Variants in ELAVL3 observed in about 807,000 individuals in gnomAD.
ELAVL3 encodes ELAV like RNA binding protein 3.
A neutral mutation model predicts 34.2 loss-of-function variants in ELAVL3; 8 were observed. The observed-to-expected ratio is 0.23, with a 90% CI of 0.14 to 0.42. The LOEUF (loss-of-function observed/expected upper bound fraction) is 0.42. Ranked by LOEUF, ELAVL3 falls within the 10% of genes least tolerant of loss-of-function variation. The pLI is 1.00. For synonymous variants in ELAVL3, 209 were observed against 222.1 expected, an observed-to-expected ratio of 0.94 and a Z score of 0.53; for missense variants, 273 against 518.8, an observed-to-expected ratio of 0.53 and a Z score of 4.60.
chr19:11,474,953 G>C (rs1026765895), intron 1 of ELAVL3, among the ~76,000 whole-genome samples: 14 of 151,990 alleles, frequency 9.2e-5, no homozygotes. Flanking sequence ...CTCAGCCTCT[G>C]GAGTAGCTGG....
At chr19:11,471,278 C>A (rs1041376708) in intron 1 of ELAVL3, among the ~76,000 whole-genome samples, 1 of 148,554 alleles carries the variant, frequency 6.7e-6, no homozygotes, top group Non-Finnish European at 1.5e-5. Flanking sequence ...TCATTGCATT[C>A]CAGCCTGAGC....
chr19:11,464,886 C>A (rs1970995297), intron 3 of ELAVL3, among the ~76,000 whole-genome samples: 1 of 55,708 alleles, frequency 1.8e-5, no homozygotes, highest in African/African-American at 3.9e-5. Flanking sequence ...TACACACATA[C>A]ACACACCACA....
intron 3 of ELAVL3, among the ~76,000 whole-genome samples, chr19:11,464,123 G>GTCTCTCTGTCTCTCTCTC (rs1555732392): frequency 1.8e-5 from 2 of 110,954 alleles, no homozygotes; most frequent in African/African-American, 8.0e-5. Context: ...GTCTCTCTCT[G>GTCTCTCTGTCTCTCTCTC]TCTCTCTCTC....
rs867076645 is a variant in ELAVL3, at chr19:11,480,872, C to T, written c.-264G>A. On this transcript the variant is annotated 5_prime_UTR_variant, in exon 1 of 7. Transcript: ENST00000359227. This position sits in a 1 kb window ranked among gnomAD's most constrained non-coding sequence, Gnocchi z 6.8. ...GGGAGCGGGCGCGGGGTTGAGGACGCCCCCTGCGCGGCCCCGCGGGGCCCG... is the reference window on the plus strand; with the variant it reads ...GGGAGCGGGCGCGGGGTTGAGGACGTCCCCTGCGCGGCCCCGCGGGGCCCG... 10 of 363,080 alleles carry T rather than the reference C, an allele frequency of 2.8e-5. No individual in the cohort carries two copies. Among genetic ancestry groups the T allele is most frequent in the African/African-American group, 2.1e-4 (10 of 47,336 alleles). 22.5% of individuals were successfully genotyped at this position (363,080 alleles called of 1,614,324 possible).
chr19:11,455,052 G>T (rs949169791), intron 6 of ELAVL3, among the ~76,000 whole-genome samples, 175 bp from the exon 7 acceptor site: 1 of 152,074 alleles, frequency 6.6e-6, no homozygotes, highest in Admixed American at 6.6e-5. Flanking sequence ...AGGCTGGAGT[G>T]CAGTGGTGCA....
chr19:11,459,068 C>G lies in ELAVL3; in HGVS notation c.334-457G>C, dbSNP rs540671115. On this transcript the variant is annotated intron_variant, in intron 3 of 6. Transcript: ENST00000359227. The stretch of plus-strand genomic sequence containing the variant: ...GCTCAAGCAATCCTACCGCCTAAGC[C>G]CCGCAAGTAGCTGAGACTACAGGCG... Among the ~76,000 whole-genome samples, 108 of 152,144 alleles carry G rather than the reference C, an allele frequency of 7.1e-4. 1 individual carries two copies. The highest frequency in any genetic ancestry group is 2.2e-3 in the African/African-American group (93 of 41,528).
rs766568443 is a variant in ELAVL3, at chr19:11,466,597, A to G, written c.229+11T>C. On this transcript the variant is annotated intron_variant, in intron 2 of 6. Transcript: ENST00000359227. The surrounding 1 kb of genome is among the most constrained non-coding windows in gnomAD (Gnocchi z 5.0). ...CACCTCTGTTCCTCCCCGCAACTCC[A>G]GCAGCCACACCTGTGATCTTGTCCC... 2 of 1,613,228 alleles carry G rather than the reference A, an allele frequency of 1.2e-6. No homozygotes were observed. The highest frequency in any genetic ancestry group is 2.2e-5 in the East Asian group (1 of 44,824).
intron 3 of ELAVL3, among the ~76,000 whole-genome samples, chr19:11,462,726 A>AGG (rs569569494): frequency 1.3e-5 from 2 of 151,780 alleles, no homozygotes; most frequent in African/African-American, 4.8e-5. Context: ...GGGAGGCTTG[A>AGG]GGGGGGTGGA....
In ELAVL3 at chr19:11,466,118, G is replaced by A; in HGVS notation, c.333+54C>T. On this transcript the variant is annotated intron_variant, in intron 3 of 6. Transcript: ENST00000359227. The surrounding 1 kb of genome is among the most constrained non-coding windows in gnomAD (Gnocchi z 5.0). Reference sequence around the variant, plus strand: ...GCGGGTAGGTGGCAGTAGGGGGTTGGGGACAGTCAGTTGGGGTGGGCGGTC... The same window carrying A: ...GCGGGTAGGTGGCAGTAGGGGGTTGAGGACAGTCAGTTGGGGTGGGCGGTC... The A allele has an allele frequency of 1.9e-6, 3 of 1,539,424 alleles. No individual in the cohort carries two copies. The highest frequency in any genetic ancestry group is 1.7e-5 in the Admixed American group (1 of 59,542).
At chr19:11,456,063 T>A (rs1970761920) in intron 6 of ELAVL3, among the ~76,000 whole-genome samples, 1 of 152,022 alleles carries the variant, frequency 6.6e-6, no homozygotes, top group African/African-American at 2.4e-5. Context: ...TTGCCTCAGA[T>A]GGGACTGGGG....
Position 11,454,530 on chromosome 19 carries a change from G to A in ELAVL3, c.1100C>T (p.Ala367Val), listed in dbSNP as rs778492575. 55 of 1,601,842 alleles carry A rather than the reference G, an allele frequency of 3.4e-5. 2 individuals carry two copies. In the South Asian group the frequency reaches 3.9e-4, roughly 11 times the overall value. Residue 367 changes from alanine to valine, a missense_variant, in exon 7 of 7, where the codon GCG (alanine) becomes GTG (valine). Transcript: ENST00000359227. This position sits in a 1 kb window ranked among gnomAD's most constrained non-coding sequence, Gnocchi z 9.2. ...GGGAGGGCAGGCGGGGTGGGCTCACGCCTTGTGCTGTTTGCTGGTCTTGAA... is the reference window on the plus strand; with the variant it reads ...GGGAGGGCAGGCGGGGTGGGCTCACACCTTGTGCTGTTTGCTGGTCTTGAA... ...VSFKTSKQHK[A>V]
At chr19:11,461,998 A>AC (rs1181523004) in intron 3 of ELAVL3, among the ~76,000 whole-genome samples, 7 of 152,014 alleles carry the variant, frequency 4.6e-5, no homozygotes, top group Admixed American at 2.0e-4. Flanking sequence ...ACATGGTGAA[A>AC]CCCCATCTCT....
intron 3 of ELAVL3, among the ~76,000 whole-genome samples, chr19:11,461,260 G>C (rs1199584095): frequency 6.6e-6 from 1 of 152,084 alleles, no homozygotes; most frequent in East Asian, 1.9e-4. Flanking sequence ...TAAAATGGGG[G>C]ACAGAAAAGT....
chr19:11,458,055 G>C lies in ELAVL3; in HGVS notation c.713+6C>G. ...CCTGGGGCCATCTGGCTGGCAGGGG[G>C]CTCACCGGAAACGCTGGGTCTGATG... On this transcript the variant is annotated splice_donor_region_variant and intron_variant, in intron 5 of 6. Transcript: ENST00000359227. The surrounding 1 kb of genome is among the most constrained non-coding windows in gnomAD (Gnocchi z 7.3). 1 of 1,610,374 alleles carries C rather than the reference G, an allele frequency of 6.2e-7. No homozygotes were observed. Among genetic ancestry groups the C allele is most frequent in the African/African-American group, 1.3e-5 (1 of 75,034 alleles).
rs1203481604 is a variant in ELAVL3 at position 11,453,857 on chromosome 19, G to A, written c.*669C>T. 1 of 81,626 alleles carries A rather than the reference G, an allele frequency of 1.2e-5. No homozygotes were observed. The allele number at this position is 81,626 out of a possible 1,614,324, so 5.1% of individuals were successfully genotyped here. A position where few individuals can be genotyped will look rare whatever the true frequency, so the allele number is the denominator to read the frequency against. ...TCTTTTTTTTTTTTTGTCTTTTTTT[G>A]TGTTTTTTTTTTTCAAGTTCAAGAA... On this transcript the variant is annotated 3_prime_UTR_variant, in exon 7 of 7. Coordinates refer to ENST00000359227, the MANE Select transcript of ELAVL3 (RefSeq NM_001420.4).
rs769961946 is a variant in ELAVL3 at position 11,454,799 on chromosome 19, C to CCCCGACAGGCCCACG, written c.816_830dup (p.Val273_Gly277dup). On this transcript the variant is annotated inframe_insertion, in exon 7 of 7. Coordinates refer to ENST00000359227, the MANE Select transcript of ELAVL3 (RefSeq NM_001420.4). This position sits in a 1 kb window ranked among gnomAD's most constrained non-coding sequence, Gnocchi z 9.2. The stretch of plus-strand genomic sequence containing the variant: ...TGCACCAGCCGGCGCCCGCCGCGCC[C>CCCCGACAGGCCCACG]CCCGACAGGCCCACGCCCGCCAGGC... 6.2e-7 allele frequency: 1 copy of CCCCGACAGGCCCACG among 1,612,558 alleles called. No individual in the cohort carries two copies. Among genetic ancestry groups the CCCCGACAGGCCCACG allele is most frequent in the Non-Finnish European group, 8.5e-7 (1 of 1,179,614 alleles).
At chr19:11,460,995 C>T (rs914939753) in intron 3 of ELAVL3, among the ~76,000 whole-genome samples, 5 of 138,974 alleles carry the variant, frequency 3.6e-5, no homozygotes, top group Admixed American at 7.1e-5. Context: ...CGTCCTCCAC[C>T]GCCACAACCT....
intron 1 of ELAVL3, among the ~76,000 whole-genome samples, chr19:11,471,317 A>T (rs1971159003): frequency 7.3e-6 from 1 of 137,172 alleles, no homozygotes; most frequent in South Asian, 2.4e-4. Flanking sequence ...CTCAAAAAAA[A>T]AAATTTTTTT....
At chr19:11,471,502 A>G (rs1221975594) in intron 1 of ELAVL3, among the ~76,000 whole-genome samples, 1 of 151,686 alleles carries the variant, frequency 6.6e-6, no homozygotes, top group Non-Finnish European at 1.5e-5. Context: ...AATCCCAGCT[A>G]CTCAGGAGGC....
Sources: gnomAD v4.1 joint callset for allele counts (sites outside exome capture counted in the v4.1 genomes callset) on GRCh38, gnomAD v4.1.1 for gene constraint, Gnocchi (gnomAD v3.1) non-coding constraint, MANE v1.5 for transcripts, NCBI Gene and HGNC (gene_info 2026-07-23, HGNC 2026-07-21) for gene names.